Variants in STN1 observed in about 807,000 individuals in gnomAD.
The protein encoded by STN1 is CST complex subunit STN1.
Under a neutral mutation model 45.5 loss-of-function variants are expected in STN1, and 29 were observed. The observed-to-expected ratio is 0.64, with a 90% CI of 0.47 to 0.87. The LOEUF (loss-of-function observed/expected upper bound fraction) is 0.87, where lower values mean the gene tolerates loss of function less well. STN1 is among the 40% of genes least tolerant of loss of function. STN1 has a pLI of 0.00. For missense variants in STN1, 376 were observed against 441.4 expected, an observed-to-expected ratio of 0.85 and a Z score of 1.33; for synonymous variants, 148 against 159.0, an observed-to-expected ratio of 0.93 and a Z score of 0.52.
intron 8 of STN1, among the ~76,000 whole-genome samples, chr10:103,889,695 C>CTTTTTTT (rs58738841): frequency 4.1e-5 from 5 of 122,118 alleles, no homozygotes; most frequent in African/African-American, 6.7e-5. Flanking sequence ...TTTCTTTTTC[C>CTTTTTTT]TTTTTTTTTT....
chr10:103,913,565 C>T (rs1843305408), intron 2 of STN1, among the ~76,000 whole-genome samples: 1 of 152,062 alleles, frequency 6.6e-6, no homozygotes, highest in Non-Finnish European at 1.5e-5. Flanking sequence ...AGGAAATACA[C>T]TGCTTAGAAA....
intron 8 of STN1, among the ~76,000 whole-genome samples, chr10:103,890,084 C>G (rs7908930): frequency 0.019 from 2,861 of 150,278 alleles, 75 homozygotes; most frequent in African/African-American, 0.067. Context: ...CACAGTGAAT[C>G]TAGTAACAAA....
chr10:103,909,494 G>A (rs11191859), intron 3 of STN1, among the ~76,000 whole-genome samples: 23,879 of 46,936 alleles, frequency 0.51, 6,650 homozygotes, highest in East Asian at 0.83. Flanking sequence ...ATATGTGTGT[G>A]TGTATATGTA....
At chr10:103,897,323 A>G (rs1020780337) in intron 7 of STN1, among the ~76,000 whole-genome samples, 4 of 150,902 alleles carry the variant, frequency 2.7e-5, no homozygotes, top group Non-Finnish European at 5.9e-5. Context: ...GAAAAAAAAA[A>G]GATTAGGTAA....
Position 103,881,691 on chromosome 10 carries a change from T to C in STN1, c.*993A>G, listed in dbSNP as rs1843070082. Among the ~76,000 whole-genome samples, 2 of 152,234 alleles carry C rather than the reference T, an allele frequency of 1.3e-5. No homozygotes were observed. Among genetic ancestry groups the C allele is most frequent in the Non-Finnish European group, 1.5e-5 (1 of 68,040 alleles). The stretch of plus-strand genomic sequence containing the variant: ...CAGCAGACGAAGGCAGTGCCTTCTG[T>C]GAAATGACTGTAATTAACTCCAAAT... On this transcript the variant is annotated 3_prime_UTR_variant, in exon 10 of 10. Coordinates refer to ENST00000224950, the MANE Select transcript of STN1 (RefSeq NM_024928.5).
In STN1 at chr10:103,880,194, G is replaced by A. The variant is rs186739680; in HGVS notation, c.*2490C>T. Among the ~76,000 whole-genome samples, 59 of 152,352 alleles carry A rather than the reference G, an allele frequency of 3.9e-4. No homozygotes were observed. The highest frequency in any genetic ancestry group is 1.3e-3 in the Admixed American group (20 of 15,306). ...AAACAGTTTTCAACAGAGAGGAGAC[G>A]TGGGGGTGGTCCCCCTACCCAAAGG... On this transcript the variant is annotated 3_prime_UTR_variant, in exon 10 of 10. Transcript: ENST00000224950.
intron 4 of STN1, among the ~76,000 whole-genome samples, chr10:103,900,760 TTCTC>T (rs71019700): frequency 0.23 from 34,613 of 151,214 alleles, 4,381 homozygotes; most frequent in Non-Finnish European, 0.27. Context: ...TTTCTCCACT[TTCTC>T]TCTCTCATAC....
intron 7 of STN1, among the ~76,000 whole-genome samples, chr10:103,893,100 A>C (rs544777599): frequency 1.3e-5 from 2 of 152,246 alleles, no homozygotes; most frequent in South Asian, 2.1e-4. Context: ...TATTCTTCTT[A>C]TTATTCCATT....
At position 103,905,097 on chromosome 10, in the gene STN1, C is replaced by T; in HGVS notation, c.289G>A (p.Val97Ile). ...ICWKKLNTESVSAAPSAAREL... is the reference protein window; with the variant it reads ...ICWKKLNTESISAAPSAAREL... ...ATGTGGCAAATAAAATTACCTGATA[C>T]AGACTCAGTATTCAACTTTTTCCAG... Residue 97 changes from valine to isoleucine, a missense_variant, in exon 4 of 10, where the codon GTA becomes ATA. Coordinates refer to ENST00000224950, the MANE Select transcript of STN1 (RefSeq NM_024928.5). 9 of 1,613,534 alleles carry T rather than the reference C, an allele frequency of 5.6e-6. No individual in the cohort carries two copies. Among genetic ancestry groups the T allele is most frequent in the South Asian group, 2.2e-5 (2 of 91,076 alleles).
At chr10:103,905,629 G>T (rs1843235582) in intron 3 of STN1, among the ~76,000 whole-genome samples, 1 of 152,196 alleles carries the variant, frequency 6.6e-6, no homozygotes. Context: ...CTCTTTGCTA[G>T]TGTGCTGACT....
At chr10:103,914,366 ATATATATATTT>A (rs1408250877) in intron 2 of STN1, among the ~76,000 whole-genome samples, 25 of 10,382 alleles carry the variant, frequency 2.4e-3, no homozygotes, top group Middle Eastern at 0.056. Context: ...ATATATATAT[ATATATATATTT>A]TTTTTTTTTT....
At chr10:103,900,845 T>C (rs1222275759) in intron 4 of STN1, among the ~76,000 whole-genome samples, 1 of 152,144 alleles carries the variant, frequency 6.6e-6, no homozygotes, top group African/African-American at 2.4e-5. Flanking sequence ...CTAAATAACT[T>C]CTATCACTAT....
At chr10:103,905,695 T>G (rs1441123913) in intron 3 of STN1, among the ~76,000 whole-genome samples, 1 of 152,144 alleles carries the variant, frequency 6.6e-6, no homozygotes, top group Non-Finnish European at 1.5e-5. Context: ...GTGAAAGATC[T>G]TTTGCCCAGT....
At chr10:103,900,966 C>A (rs2134367581) in intron 4 of STN1, among the ~76,000 whole-genome samples, 1 of 152,272 alleles carries the variant, frequency 6.6e-6, no homozygotes, top group East Asian at 1.9e-4. Flanking sequence ...GTCCTCACAA[C>A]CACTCCTGCT....
At chr10:103,914,335 CATATATATAT>C (rs1239270984) in intron 2 of STN1, among the ~76,000 whole-genome samples, 1,282 of 35,278 alleles carry the variant, frequency 0.036, 41 homozygotes, top group Middle Eastern at 0.091. Flanking sequence ...ATTAAAAATA[CATATATATAT>C]ATATATATAT....
At chr10:103,888,964 C>T in intron 9 of STN1, 108 bp downstream of exon 9, 1 of 743,102 alleles carries the variant, frequency 1.3e-6, no homozygotes, top group Non-Finnish European at 2.4e-6. Context: ...CTTTCCAAGT[C>T]ACTACTGGGA....
At chr10:103,908,027 G>C (rs935813163) in intron 3 of STN1, among the ~76,000 whole-genome samples, 3 of 151,816 alleles carry the variant, frequency 2.0e-5, no homozygotes, top group Non-Finnish European at 4.4e-5. Context: ...TACTCAGAAG[G>C]CTGAGGCAGG....
intron 9 of STN1, among the ~76,000 whole-genome samples, chr10:103,885,148 A>T (rs17116105): frequency 1.3e-5 from 2 of 152,106 alleles, no homozygotes; most frequent in Admixed American, 1.3e-4. Flanking sequence ...GGGAACTACT[A>T]TGATTTGGTT....
chr10:103,882,580 A>G lies in STN1; in HGVS notation c.*104T>C. ...TATATTTTATAGTTTATTATGAGGT[A>G]ACTGCCTCCAGACAGATAAGCCCCT... On this transcript the variant is annotated 3_prime_UTR_variant, in exon 10 of 10. Coordinates refer to ENST00000224950, the MANE Select transcript of STN1 (RefSeq NM_024928.5). 1 of 1,185,554 alleles carries G rather than the reference A, an allele frequency of 8.4e-7. No homozygotes were observed. Among genetic ancestry groups the G allele is most frequent in the South Asian group, 1.6e-5 (1 of 63,550 alleles). 73.4% of individuals were successfully genotyped at this position (1,185,554 alleles called of 1,614,324 possible).
Sources: allele counts gnomAD v4.1 joint callset (sites outside exome capture counted in the v4.1 genomes callset), GRCh38; gene constraint gnomAD v4.1.1; transcripts MANE v1.5; gene names NCBI Gene and HGNC (gene_info 2026-07-23, HGNC 2026-07-21).